Variants in TMTC2 observed in about 807,000 individuals in gnomAD.
TMTC2 encodes transmembrane O-mannosyltransferase targeting cadherins 2, also known as protein O-mannosyl-transferase TMTC2.
A neutral mutation model predicts 82.4 loss-of-function variants in TMTC2; 43 were observed. The ratio of observed to expected loss-of-function variants is 0.52; its 90% confidence interval spans 0.41 to 0.67. The LOEUF (loss-of-function observed/expected upper bound fraction) is 0.67. TMTC2 is among the 30% of genes least tolerant of loss of function. The pLI is 0.00. For synonymous variants in TMTC2, 408 were observed against 381.9 expected, an observed-to-expected ratio of 1.07 and a Z score of -0.80; for missense variants, 919 against 1,012.4, an observed-to-expected ratio of 0.91 and a Z score of 1.25.
chr12:82,797,998 C>T (rs1379095586), intron 1 of TMTC2, among the ~76,000 whole-genome samples: 3 of 143,858 alleles, frequency 2.1e-5, no homozygotes, highest in Non-Finnish European at 3.0e-5. Context: ...AGTGCAGTGG[C>T]GCGATCTCGG....
At chr12:83,128,897 G>GTA (rs1885175664) in intron 11 of TMTC2, among the ~76,000 whole-genome samples, 1 of 152,114 alleles carries the variant, frequency 6.6e-6, no homozygotes, top group Non-Finnish European at 1.5e-5. Flanking sequence ...AAAAAGTAGA[G>GTA]TCTATACCCA....
chr12:82,965,876 C>CCTG, intron 6 of TMTC2, 132 bp downstream of exon 6: 1 of 873,610 alleles, frequency 1.1e-6, no homozygotes, highest in Non-Finnish European at 1.8e-6. Context: ...AACTATTGTC[C>CCTG]TTTGAGAAAC....
At chr12:83,004,671 T>A (rs1880072936) in intron 8 of TMTC2, among the ~76,000 whole-genome samples, 1 of 150,672 alleles carries the variant, frequency 6.6e-6, no homozygotes, top group Non-Finnish European at 1.5e-5. Flanking sequence ...GGGATCTTTA[T>A]TTGTGGAAAG....
chr12:82,819,015 G>GC (rs1187737696), intron 1 of TMTC2, among the ~76,000 whole-genome samples: 1 of 151,826 alleles, frequency 6.6e-6, no homozygotes, highest in African/African-American at 2.4e-5. Context: ...ACAAAGTAAG[G>GC]CCTACCTTTT....
chr12:82,729,843 A>C (rs1449854068), intron 1 of TMTC2, among the ~76,000 whole-genome samples: 5 of 152,160 alleles, frequency 3.3e-5, no homozygotes, highest in Non-Finnish European at 5.9e-5. Flanking sequence ...CACTGCCTTT[A>C]TGAGCTGTAA....
At chr12:83,036,301 T>C (rs1458586284) in intron 9 of TMTC2, among the ~76,000 whole-genome samples, 1 of 152,136 alleles carries the variant, frequency 6.6e-6, no homozygotes, top group African/African-American at 2.4e-5. Flanking sequence ...AAATAGTAGT[T>C]TAATTAGTTT....
At chr12:82,838,269 G>A (rs1399162268) in intron 1 of TMTC2, among the ~76,000 whole-genome samples, 5 of 152,172 alleles carry the variant, frequency 3.3e-5, no homozygotes, top group African/African-American at 9.7e-5. Flanking sequence ...TTCTGATGTT[G>A]AATTACTCTC....
chr12:82,899,591 A>C (rs952762238), intron 3 of TMTC2, among the ~76,000 whole-genome samples: 10 of 110,928 alleles, frequency 9.0e-5, no homozygotes, highest in Non-Finnish European at 1.5e-4. Flanking sequence ...ATATATAAGA[A>C]TATATATATG....
At chr12:82,973,148 G>C (rs1167308637) in intron 7 of TMTC2, among the ~76,000 whole-genome samples, 4 of 152,096 alleles carry the variant, frequency 2.6e-5, no homozygotes, top group Non-Finnish European at 5.9e-5. Flanking sequence ...TATACCACCT[G>C]CTTCCCCTAT....
Position 83,112,269 on chromosome 12 carries a change from G to A in TMTC2, c.2332-19941G>A, listed in dbSNP as rs865871597. Among the ~76,000 whole-genome samples, 17 of 151,812 alleles carry A rather than the reference G, an allele frequency of 1.1e-4. No homozygotes were observed. The East Asian group carries it at 3.1e-3, about 28-fold the overall frequency. ...TCCATTGCTTCCTCTCCCCTCCCTCGTGGACAGGTTTTAGAGTTGAATAGA... is the reference window on the plus strand; with the variant it reads ...TCCATTGCTTCCTCTCCCCTCCCTCATGGACAGGTTTTAGAGTTGAATAGA... On this transcript the variant is annotated intron_variant, in intron 11 of 11. Coordinates refer to ENST00000321196, the MANE Select transcript of TMTC2 (RefSeq NM_152588.3).
At chr12:82,846,404 C>A (rs898231698) in intron 1 of TMTC2, among the ~76,000 whole-genome samples, 1 of 151,896 alleles carries the variant, frequency 6.6e-6, no homozygotes, top group Non-Finnish European at 1.5e-5. Flanking sequence ...AGGTAAACTT[C>A]TTGACTTGAG....
chr12:82,968,674 G>A (rs2137309455), intron 7 of TMTC2, among the ~76,000 whole-genome samples: 1 of 152,218 alleles, frequency 6.6e-6, no homozygotes, highest in African/African-American at 2.4e-5. Context: ...ACTAGAGTTA[G>A]CTATTTCAGA....
At chr12:82,986,183 C>T in intron 8 of TMTC2, 137 bp downstream of exon 8, 1 of 1,192,010 alleles carries the variant, frequency 8.4e-7, no homozygotes, top group South Asian at 1.4e-5. Flanking sequence ...ACTTTGAACC[C>T]TGTACAGAAA....
intron 11 of TMTC2, among the ~76,000 whole-genome samples, chr12:83,083,528 T>C (rs987637064): frequency 2.6e-5 from 4 of 152,290 alleles, no homozygotes; most frequent in Admixed American, 6.5e-5. Flanking sequence ...GCCTCCCCTC[T>C]CTAGAACATG....
At chr12:82,930,202 A>G (rs532357019) in intron 3 of TMTC2, among the ~76,000 whole-genome samples, 1 of 152,332 alleles carries the variant, frequency 6.6e-6, no homozygotes, top group Admixed American at 6.5e-5. Flanking sequence ...GATGAACTGT[A>G]TATGTATATC....
intron 2 of TMTC2, among the ~76,000 whole-genome samples, chr12:82,862,276 G>A (rs750652086): frequency 1.8e-4 from 28 of 152,134 alleles, no homozygotes; most frequent in Non-Finnish European, 3.7e-4. Flanking sequence ...ATCAGTAAAA[G>A]CAACATTTTT....
intron 3 of TMTC2, among the ~76,000 whole-genome samples, chr12:82,921,915 T>A (rs1592629432): frequency 6.7e-6 from 1 of 148,702 alleles, no homozygotes; most frequent in African/African-American, 2.5e-5. Context: ...CTGGGCAACA[T>A]AGTGAGACCC....
At position 82,845,226 on chromosome 12, in the gene TMTC2, CAAA is replaced by C. The variant is rs66859423; in HGVS notation, c.84-11759_84-11757del. Among the ~76,000 whole-genome samples the C allele has an allele frequency of 9.4e-3, 423 of 45,218 alleles. 1 individual carries two copies. Among genetic ancestry groups the C allele is most frequent in the African/African-American group, 0.042 (398 of 9,536 alleles). The allele number at this position is 45,218 out of a possible 152,430, so 29.7% of individuals were successfully genotyped here. ...CCTGGGTGACAGAGCGTGACTGTCT[CAAA>C]AAAAAAAAAAAAAAAAAAAAAAAAT... is the stretch of plus-strand genomic sequence containing the variant. On this transcript the variant is annotated intron_variant, in intron 1 of 11. Coordinates refer to ENST00000321196, the MANE Select transcript of TMTC2 (RefSeq NM_152588.3).
intron 1 of TMTC2, among the ~76,000 whole-genome samples, chr12:82,790,634 G>A (rs2137021774): frequency 6.6e-6 from 1 of 151,838 alleles, no homozygotes; most frequent in East Asian, 1.9e-4. Flanking sequence ...TTCAAGACCA[G>A]CCTGGCCATG....
Sources: gnomAD v4.1 joint callset for allele counts (sites outside exome capture counted in the v4.1 genomes callset) on GRCh38, gnomAD v4.1.1 for gene constraint, MANE v1.5 for transcripts, NCBI Gene and HGNC (gene_info 2026-07-23, HGNC 2026-07-21) for gene names.